PABPC4L: variants seen among roughly 807,000 people sequenced by gnomAD.
The protein encoded by PABPC4L is polyadenylate-binding protein 4-like.
For missense variants in PABPC4L, 452 were observed against 451.4 expected (o/e 1.00, Z -0.01); for synonymous variants, 169 against 164.1 (o/e 1.03, Z -0.23).
the PABPC4L span, among the ~76,000 whole-genome samples, chr4:134,049,755 T>G: frequency 6.6e-6 from 1 of 152,324 alleles, no homozygotes; most frequent in East Asian, 1.9e-4. Flanking sequence ...AAGATGTTGT[T>G]TAAGTGAATA....
At chr4:134,115,424 A>T in the PABPC4L span, among the ~76,000 whole-genome samples, 1 of 151,792 alleles carries the variant, frequency 6.6e-6, no homozygotes, top group Non-Finnish European at 1.5e-5. Flanking sequence ...AAAGAATTTG[A>T]GAGGTCTTTG....
At chr4:134,188,512 T>A in the PABPC4L span, among the ~76,000 whole-genome samples, 1 of 152,098 alleles carries the variant, frequency 6.6e-6, no homozygotes, top group Non-Finnish European at 1.5e-5. Flanking sequence ...TCTCTCAATT[T>A]TTTTTGGTTT....
rs1165985249 is a variant in PABPC4L, at chr4:134,201,256, G to T, written c.-226-11C>A. ...GACGCGGCAACAGAACTGTGAAATC[G>T]CAAAGAGAGATTATTAGGACAAGAC... is the stretch of plus-strand genomic sequence containing the variant. On this transcript the variant is annotated splice_polypyrimidine_tract_variant and intron_variant, in intron 1 of 1. Transcript: ENST00000421491. The T allele has an allele frequency of 3.3e-6, 5 of 1,510,284 alleles. No individual in the cohort carries two copies. Among genetic ancestry groups the T allele is most frequent in the South Asian group, 1.2e-5 (1 of 82,370 alleles). The allele number at this position is 1,510,284 out of a possible 1,614,324, so 93.6% of individuals were successfully genotyped here. A position where few individuals can be genotyped will look rare whatever the true frequency, so the allele number is the denominator to read the frequency against.
the PABPC4L span, among the ~76,000 whole-genome samples, chr4:133,972,364 A>T: frequency 6.6e-6 from 1 of 152,176 alleles, no homozygotes; most frequent in African/African-American, 2.4e-5. Context: ...TGACAATGAA[A>T]TTATTTCCTT....
the PABPC4L span, among the ~76,000 whole-genome samples, chr4:133,997,222 G>C: frequency 6.6e-6 from 1 of 152,068 alleles, no homozygotes; most frequent in African/African-American, 2.4e-5. Flanking sequence ...TACATCTCTC[G>C]CTTTAAATCA....
chr4:134,127,328 T>C, the PABPC4L span, among the ~76,000 whole-genome samples: 1 of 152,038 alleles, frequency 6.6e-6, no homozygotes, highest in African/African-American at 2.4e-5. Context: ...CTCCAACTCC[T>C]GGCTAGAGGA....
At chr4:134,029,709 T>A in the PABPC4L span, among the ~76,000 whole-genome samples, 1 of 151,874 alleles carries the variant, frequency 6.6e-6, no homozygotes, top group African/African-American at 2.4e-5. Context: ...TTACTTATGA[T>A]TTATATTTTA....
chr4:134,140,768 G>C, the PABPC4L span, among the ~76,000 whole-genome samples: 1 of 151,692 alleles, frequency 6.6e-6, no homozygotes, highest in Non-Finnish European at 1.5e-5. Flanking sequence ...TGACTAGTTT[G>C]ATTATGTTGA....
chr4:134,085,451 A>G, the PABPC4L span, among the ~76,000 whole-genome samples: 2 of 152,112 alleles, frequency 1.3e-5, no homozygotes, highest in East Asian at 3.9e-4. Context: ...ACAAACACAC[A>G]CGCACTAACG....
chr4:134,183,321 C>G, the PABPC4L span, among the ~76,000 whole-genome samples: 8 of 151,756 alleles, frequency 5.3e-5, no homozygotes, highest in Non-Finnish European at 1.2e-4. Context: ...ATAGATGGAG[C>G]TGGAGGCCAT....
At chr4:134,097,349 G>T in the PABPC4L span, among the ~76,000 whole-genome samples, 15 of 151,948 alleles carry the variant, frequency 9.9e-5, no homozygotes, top group East Asian at 1.9e-3. Context: ...AAGAAAAAAA[G>T]AATTTTTATT....
At chr4:134,170,577 G>A in the PABPC4L span, among the ~76,000 whole-genome samples, 1 of 152,164 alleles carries the variant, frequency 6.6e-6, no homozygotes, top group East Asian at 1.9e-4. Context: ...GGGGAGCAAG[G>A]TGCCTCACAT....
At chr4:134,187,380 C>A in the PABPC4L span, among the ~76,000 whole-genome samples, 1 of 151,938 alleles carries the variant, frequency 6.6e-6, no homozygotes, top group African/African-American at 2.4e-5. Context: ...AGGATGAGTT[C>A]ATGTCCTTTG....
chr4:134,178,536 A>T, the PABPC4L span, among the ~76,000 whole-genome samples: 1 of 152,114 alleles, frequency 6.6e-6, no homozygotes, highest in East Asian at 1.9e-4. Flanking sequence ...ATGGTTCTTA[A>T]CCAAGCTGAA....
the PABPC4L span, among the ~76,000 whole-genome samples, chr4:134,047,973 G>A: frequency 1.3e-5 from 2 of 152,036 alleles, no homozygotes; most frequent in South Asian, 4.1e-4. Flanking sequence ...CGGCAAAGAT[G>A]GCTGAACACT....
At chr4:134,145,984 A>G in the PABPC4L span, among the ~76,000 whole-genome samples, 2 of 152,058 alleles carry the variant, frequency 1.3e-5, no homozygotes, top group African/African-American at 2.4e-5. Flanking sequence ...TTTGATATTT[A>G]TACATCCAGT....
At chr4:134,154,325 G>T in the PABPC4L span, among the ~76,000 whole-genome samples, 1 of 151,966 alleles carries the variant, frequency 6.6e-6, no homozygotes, top group Non-Finnish European at 1.5e-5. Flanking sequence ...GCGTGGTGGC[G>T]CATGCCTGTA....
the PABPC4L span, among the ~76,000 whole-genome samples, chr4:134,179,881 C>A: frequency 6.6e-6 from 1 of 152,104 alleles, no homozygotes; most frequent in Non-Finnish European, 1.5e-5. Context: ...CACCCAGATT[C>A]ATAACACAAG....
At chr4:134,079,626 A>C in the PABPC4L span, among the ~76,000 whole-genome samples, 1 of 144,086 alleles carries the variant, frequency 6.9e-6, no homozygotes, top group Admixed American at 7.1e-5. Flanking sequence ...GCATCTTTTA[A>C]AACTGCTAGT....
Sources: allele counts gnomAD v4.1 joint callset (sites outside exome capture counted in the v4.1 genomes callset), GRCh38; gene constraint gnomAD v4.1.1; transcripts MANE v1.5; gene names NCBI Gene and HGNC (gene_info 2026-07-23, HGNC 2026-07-21).